The following TENM4 variants were observed in gnomAD, a reference collection of about 807,000 sequenced individuals.
TENM4 encodes teneurin transmembrane protein 4.
A neutral mutation model predicts 243.3 loss-of-function variants in TENM4; 82 were observed. The ratio of observed to expected loss-of-function variants is 0.34; its 90% CI spans 0.28 to 0.40. TENM4 has a LOEUF of 0.40. TENM4 is among the 10% of genes least tolerant of loss of function. TENM4 has a pLI of 1.00. For missense variants in TENM4, 3,138 were observed against 3,673.3 expected (o/e 0.85, Z 3.77); for synonymous variants, 1,412 against 1,456.3 (o/e 0.97, Z 0.69).
At chr11:79,117,223 A>AT (rs1861640346) in intron 4 of TENM4, among the ~76,000 whole-genome samples, 1 of 152,238 alleles carries the variant, frequency 6.6e-6, no homozygotes, top group African/African-American at 2.4e-5. Flanking sequence ...TGCCCATGTG[A>AT]TTTTCCCCTT....
At chr11:78,934,944 T>C (rs889424437) in intron 6 of TENM4, among the ~76,000 whole-genome samples, 4 of 151,940 alleles carry the variant, frequency 2.6e-5, no homozygotes, top group Non-Finnish European at 5.9e-5. Context: ...CCAACACTTA[T>C]TTTGGTTCTA....
chr11:78,767,896 T>C (rs1856569715), intron 18 of TENM4, among the ~76,000 whole-genome samples: 2 of 151,966 alleles, frequency 1.3e-5, no homozygotes, highest in African/African-American at 4.8e-5. Flanking sequence ...GGAGAAAGAC[T>C]GGGCCATGTT....
At chr11:78,764,661 G>A (rs770007277) in intron 18 of TENM4, among the ~76,000 whole-genome samples, 4 of 152,200 alleles carry the variant, frequency 2.6e-5, no homozygotes, top group Admixed American at 2.6e-4. Context: ...GAGACACAGG[G>A]AACATGCCTG....
intron 12 of TENM4, among the ~76,000 whole-genome samples, chr11:78,833,202 T>G (rs1591057811): frequency 1.3e-5 from 2 of 152,308 alleles, no homozygotes; most frequent in Admixed American, 1.3e-4. Flanking sequence ...AAGTTTATAA[T>G]AAAAAATAAC....
intron 32 of TENM4, among the ~76,000 whole-genome samples, 160 bp downstream of exon 32, chr11:78,668,777 T>C (rs1858228173): frequency 6.6e-6 from 1 of 152,242 alleles, no homozygotes; most frequent in South Asian, 2.1e-4. Flanking sequence ...GAGTATTTTC[T>C]GAACTAGTGT....
intron 12 of TENM4, among the ~76,000 whole-genome samples, chr11:78,827,609 C>A (rs986475607): frequency 3.3e-5 from 5 of 152,060 alleles, no homozygotes; most frequent in Non-Finnish European, 7.4e-5. Context: ...CCTGCCTCAG[C>A]CTTCTGAGCA....
intron 17 of TENM4, among the ~76,000 whole-genome samples, chr11:78,773,244 C>T (rs1856676247): frequency 6.6e-6 from 1 of 152,192 alleles, no homozygotes; most frequent in African/African-American, 2.4e-5. Context: ...AACAGTATCT[C>T]TTACGTAAGA....
At chr11:79,212,203 T>C (rs1237730428) in intron 3 of TENM4, among the ~76,000 whole-genome samples, 1 of 152,188 alleles carries the variant, frequency 6.6e-6, no homozygotes, top group East Asian at 1.9e-4. Flanking sequence ...ATGTAGCAGA[T>C]GGTCAATGCT....
At chr11:79,239,152 C>G (rs1387738830) in intron 2 of TENM4, among the ~76,000 whole-genome samples, 1 of 152,218 alleles carries the variant, frequency 6.6e-6, no homozygotes, top group Non-Finnish European at 1.5e-5. Flanking sequence ...ACAGGGCCCT[C>G]TAGGTGGGGC....
chr11:79,151,185 C>G (rs528543029), intron 3 of TENM4, among the ~76,000 whole-genome samples: 1 of 152,324 alleles, frequency 6.6e-6, no homozygotes, highest in East Asian at 1.9e-4. Context: ...TTTATCCATA[C>G]TGTGTGCTGA....
chr11:79,267,356 T>C (rs1855899962), intron 2 of TENM4, among the ~76,000 whole-genome samples: 1 of 152,192 alleles, frequency 6.6e-6, no homozygotes, highest in South Asian at 2.1e-4. Flanking sequence ...ATTTACCCTG[T>C]TCAAATCCAA....
intron 9 of TENM4, among the ~76,000 whole-genome samples, chr11:78,888,208 C>A (rs567122979): frequency 4.1e-4 from 63 of 152,336 alleles, no homozygotes; most frequent in Non-Finnish European, 7.3e-4. Context: ...CAATATTCTC[C>A]ATTTCTGTGA....
chr11:79,072,104 G>A (rs1283020974), intron 4 of TENM4, among the ~76,000 whole-genome samples: 14 of 152,198 alleles, frequency 9.2e-5, no homozygotes, highest in Admixed American at 9.2e-4. Flanking sequence ...CTGAGTGTCT[G>A]AGAAGCAGGA....
intron 6 of TENM4, among the ~76,000 whole-genome samples, chr11:79,017,107 G>A (rs368839073): frequency 2.6e-5 from 4 of 152,198 alleles, no homozygotes; most frequent in East Asian, 1.9e-4. Flanking sequence ...GTCAGGTGAC[G>A]AGAATGATGG....
intron 6 of TENM4, among the ~76,000 whole-genome samples, chr11:78,973,001 C>T (rs592871): frequency 0.48 from 72,458 of 152,066 alleles, 18,047 homozygotes; most frequent in African/African-American, 0.62. Flanking sequence ...ATTGAAGCAA[C>T]GATTAGGATT....
chr11:78,943,985 C>T (rs1220960909), intron 6 of TENM4, among the ~76,000 whole-genome samples: 2 of 152,192 alleles, frequency 1.3e-5, no homozygotes, highest in African/African-American at 4.8e-5. Context: ...TTTCTGTTCC[C>T]CACCTTGGGA....
At chr11:79,275,179 T>A (rs1424716051) in intron 2 of TENM4, among the ~76,000 whole-genome samples, 1 of 152,110 alleles carries the variant, frequency 6.6e-6, no homozygotes, top group Non-Finnish European at 1.5e-5. Context: ...TTCATGGGAA[T>A]AAACAATCCT....
At chr11:79,053,751 G>A (rs1859863872) in intron 6 of TENM4, among the ~76,000 whole-genome samples, 1 of 152,118 alleles carries the variant, frequency 6.6e-6, no homozygotes, top group Admixed American at 6.5e-5. Context: ...ATATTTTGTG[G>A]GGTATGGGTA....
intron 6 of TENM4, among the ~76,000 whole-genome samples, chr11:78,947,866 A>G (rs1857032989): frequency 6.6e-6 from 1 of 152,160 alleles, no homozygotes; most frequent in African/African-American, 2.4e-5. Flanking sequence ...GTTTTATCAC[A>G]ACTGCCAAAC....
Sources: allele counts gnomAD v4.1 joint callset (sites outside exome capture counted in the v4.1 genomes callset), GRCh38; gene constraint gnomAD v4.1.1; transcripts MANE v1.5; gene names NCBI Gene and HGNC (gene_info 2026-07-23, HGNC 2026-07-21).